The following ZBTB2 variants were observed in gnomAD, a reference collection of about 807,000 sequenced individuals.
The protein encoded by ZBTB2 is zinc finger and BTB domain-containing protein 2.
ZBTB2 carries 2 observed loss-of-function variants against 39.5 expected under a neutral mutation model. The observed-to-expected ratio is 0.05, with a 90% CI of 0.02 to 0.16. The LOEUF (loss-of-function observed/expected upper bound fraction) is 0.16. Ranked by LOEUF, ZBTB2 falls within the 10% of genes least tolerant of loss-of-function variation. The probability of loss-of-function intolerance (pLI) is 1.00; values close to 1 mark genes in which losing one functional copy is unlikely to be tolerated. For missense variants in ZBTB2, 391 were observed against 653.0 expected (o/e 0.60, Z 4.37); for synonymous variants, 251 against 256.6 (o/e 0.98, Z 0.21).
At chr6:151,374,069 G>C (rs1778848954) in intron 1 of ZBTB2, among the ~76,000 whole-genome samples, 2 of 152,042 alleles carry the variant, frequency 1.3e-5, no homozygotes, top group African/African-American at 4.8e-5. Flanking sequence ...GAGTCTTTTA[G>C]TTTAAGATTC....
chr6:151,375,961 T>C (rs1254444765), intron 1 of ZBTB2, among the ~76,000 whole-genome samples: 1 of 152,102 alleles, frequency 6.6e-6, no homozygotes, highest in Non-Finnish European at 1.5e-5. Flanking sequence ...CAAGACTGTG[T>C]GGTATTGGCA....
chr6:151,368,339 C>T lies in ZBTB2; in HGVS notation c.174-1447G>A, dbSNP rs376911818. On this transcript the variant is annotated intron_variant, in intron 2 of 2. Coordinates refer to ENST00000325144, the MANE Select transcript of ZBTB2 (RefSeq NM_020861.3). ...TTTCTTTTTGTATTTTTAGTAGAGA[C>T]GGGGTTTCACCATGTTAGCCAGGAT... 6.9e-4 allele frequency among the ~76,000 whole-genome samples: 105 copies of T among 152,156 alleles called. 1 individual carries two copies. In the East Asian group the frequency reaches 0.018, roughly 26 times the overall value.
intron 1 of ZBTB2, among the ~76,000 whole-genome samples, chr6:151,380,702 G>T (rs989377064): frequency 6.6e-5 from 10 of 152,146 alleles, no homozygotes; most frequent in African/African-American, 2.2e-4. Context: ...TGGTTTTCAG[G>T]CTGCAGCTCT....
At chr6:151,391,108 C>T (rs1187012698) in intron 1 of ZBTB2, among the ~76,000 whole-genome samples, 1 of 150,126 alleles carries the variant, frequency 6.7e-6, no homozygotes, top group Admixed American at 6.6e-5. Flanking sequence ...GCCGCCGACT[C>T]GCCGCCGCCT....
At chr6:151,371,786 T>C (rs1302512948) in intron 2 of ZBTB2, among the ~76,000 whole-genome samples, 3 of 152,046 alleles carry the variant, frequency 2.0e-5, no homozygotes, top group Non-Finnish European at 4.4e-5. Flanking sequence ...ACGAATCCAA[T>C]AGTAATGTGG....
At chr6:151,387,935 T>C (rs1255681599) in intron 1 of ZBTB2, among the ~76,000 whole-genome samples, 1 of 152,198 alleles carries the variant, frequency 6.6e-6, no homozygotes, top group African/African-American at 2.4e-5. Context: ...AAATACTGAA[T>C]CTTATTTACT....
chr6:151,376,907 G>A (rs1411478586), intron 1 of ZBTB2, among the ~76,000 whole-genome samples: 1 of 152,164 alleles, frequency 6.6e-6, no homozygotes, highest in East Asian at 1.9e-4. Context: ...GTCCATAGCA[G>A]CTTAATTCCT....
chr6:151,384,500 T>C (rs138497705), intron 1 of ZBTB2, among the ~76,000 whole-genome samples: 67 of 152,264 alleles, frequency 4.4e-4, no homozygotes, highest in Admixed American at 2.5e-3. Context: ...ATTCAAAAGA[T>C]ATTTAGAAGG....
chr6:151,366,078 C>G lies in ZBTB2; in HGVS notation c.988G>C (p.Asp330His), dbSNP rs761712276. Residue 330 changes from aspartate (D) to histidine (H), a missense_variant, in exon 3 of 3, where the codon GAT (aspartate) becomes CAT (histidine). Coordinates refer to ENST00000325144, the MANE Select transcript of ZBTB2 (RefSeq NM_020861.3). The surrounding 1 kb of genome is among the most constrained non-coding windows in gnomAD (Gnocchi z 7.1). ...LQHISDSPII[D>H]GQQQSETPPP... ...GGGGTTTCCGACTGCTGCTGCCCATCGATGATGGGAGAATCAGAGATGTGC... is the reference window on the plus strand; with the variant it reads ...GGGGTTTCCGACTGCTGCTGCCCATGGATGATGGGAGAATCAGAGATGTGC... 1.2e-6 allele frequency: 2 copies of G among 1,614,020 alleles called. No homozygotes were observed. Among genetic ancestry groups the G allele is most frequent in the Non-Finnish European group, 1.7e-6 (2 of 1,180,026 alleles).
intron 1 of ZBTB2, among the ~76,000 whole-genome samples, chr6:151,388,019 A>G (rs551731906): frequency 3.3e-5 from 5 of 152,318 alleles, no homozygotes; most frequent in Non-Finnish European, 5.9e-5. Context: ...CTTGAGCATA[A>G]AGAACGTTTT....
intron 1 of ZBTB2, 21 bp downstream of exon 1, chr6:151,391,399 G>T (rs1347628579): frequency 6.6e-6 from 1 of 151,868 alleles, no homozygotes; most frequent in African/African-American, 2.4e-5. Flanking sequence ...GCCCCGGGAG[G>T]CGGAGGCGGT....
intron 1 of ZBTB2, among the ~76,000 whole-genome samples, chr6:151,382,824 G>T (rs1291857363): frequency 6.6e-6 from 1 of 152,068 alleles, no homozygotes; most frequent in Non-Finnish European, 1.5e-5. Context: ...CAAAGTGCTG[G>T]GACTATGGGC....
In ZBTB2 at chr6:151,364,131, C is replaced by G. The variant is rs957256841; in HGVS notation, c.*1390G>C. On this transcript the variant is annotated 3_prime_UTR_variant, in exon 3 of 3. Coordinates refer to ENST00000325144, the MANE Select transcript of ZBTB2 (RefSeq NM_020861.3). Reference sequence around the variant, plus strand: ...GACATCATATACTCATTTAATTAAACGTTTATTCAATGAAAGGATGTATAA... The same window carrying G: ...GACATCATATACTCATTTAATTAAAGGTTTATTCAATGAAAGGATGTATAA... 1.3e-5 allele frequency: 2 copies of G among 151,554 alleles called. No individual in the cohort carries two copies. Among genetic ancestry groups the G allele is most frequent in the Non-Finnish European group, 2.9e-5 (2 of 67,920 alleles). The allele number at this position is 151,554 out of a possible 1,614,324, so 9.4% of individuals were successfully genotyped here. A position where few individuals can be genotyped will look rare whatever the true frequency, so the allele number is the denominator to read the frequency against.
chr6:151,381,168 CCACCA>C (rs1433658773), intron 1 of ZBTB2, among the ~76,000 whole-genome samples: 1 of 152,204 alleles, frequency 6.6e-6, no homozygotes, highest in Non-Finnish European at 1.5e-5. Flanking sequence ...CTTCATGCAT[CCACCA>C]CACAACAGCC....
chr6:151,368,646 G>A (rs1419683563), intron 2 of ZBTB2, among the ~76,000 whole-genome samples: 2 of 151,346 alleles, frequency 1.3e-5, no homozygotes, highest in African/African-American at 4.9e-5. Flanking sequence ...TAGGGATGGG[G>A]TTTTGCCATG....
intron 1 of ZBTB2, among the ~76,000 whole-genome samples, chr6:151,390,923 G>GGCC (rs1779284472): frequency 6.6e-6 from 1 of 151,684 alleles, no homozygotes; most frequent in Non-Finnish European, 1.5e-5. Context: ...GACGCTCACC[G>GGCC]GCCGCCGCCG....
At chr6:151,373,363 G>C in intron 2 of ZBTB2, 102 bp downstream of exon 2, 4 of 1,317,126 alleles carry the variant, frequency 3.0e-6, no homozygotes, top group Middle Eastern at 2.0e-4. Flanking sequence ...AGGTCACCTA[G>C]GAGCTAGGAG....
chr6:151,378,497 C>G (rs758843287), intron 1 of ZBTB2, among the ~76,000 whole-genome samples: 1 of 152,200 alleles, frequency 6.6e-6, no homozygotes, highest in South Asian at 2.1e-4. Flanking sequence ...CAGAGAACTG[C>G]TGGGTTGCAA....
At position 151,366,673 on chromosome 6, in the gene ZBTB2, T is replaced by C. The variant is rs1328656058; in HGVS notation, c.393A>G (p.Ser131=). 3.1e-6 allele frequency: 5 copies of C among 1,614,012 alleles called. No individual in the cohort carries two copies. The highest frequency in any genetic ancestry group is 4.2e-6 in the Non-Finnish European group (5 of 1,179,994). The change falls in exon 3 of 3, where the codon TCA becomes TCG. Residue 131 remains serine (S), a synonymous_variant. Coordinates refer to ENST00000325144, the MANE Select transcript of ZBTB2 (RefSeq NM_020861.3). The surrounding 1 kb of genome is among the most constrained non-coding windows in gnomAD (Gnocchi z 7.1). The part of the protein sequence containing the change: ...HPDQVFPLAS[S]LYGIQIADHQ... The stretch of plus-strand genomic sequence containing the variant: ...GATCTGCAATCTGAATGCCATACAA[T>C]GAAGAAGCCAGTGGGAAAACTTGGT...
Sources: allele counts gnomAD v4.1 joint callset (sites outside exome capture counted in the v4.1 genomes callset), GRCh38; gene constraint gnomAD v4.1.1; non-coding constraint Gnocchi (gnomAD v3.1); transcripts MANE v1.5; gene names NCBI Gene and HGNC (gene_info 2026-07-23, HGNC 2026-07-21).